PPIP5K1: variants seen among roughly 807,000 people sequenced by gnomAD.
PPIP5K1 encodes the protein inositol hexakisphosphate and diphosphoinositol-pentakisphosphate kinase 1.
A neutral mutation model predicts 27.7 loss-of-function variants in PPIP5K1; 6 were observed. That is an observed-to-expected ratio of 0.22 (90% CI 0.12 to 0.43). PPIP5K1 has a LOEUF of 0.43. Among genes scored for constraint, PPIP5K1 ranks in the 20% least tolerant of loss-of-function variants. The probability of loss-of-function intolerance (pLI) is 1.00; values close to 1 mark genes in which losing one functional copy is unlikely to be tolerated. For synonymous variants in PPIP5K1, 145 were observed against 242.6 expected (o/e 0.60, Z 3.74); for missense variants, 394 against 635.4 (o/e 0.62, Z 4.08).
intron 30 of PPIP5K1, among the ~76,000 whole-genome samples, chr15:43,554,236 C>T (rs893601254): frequency 1.3e-5 from 2 of 152,126 alleles, no homozygotes; most frequent in African/African-American, 2.4e-5. Context: ...TATTTTGGGG[C>T]TCCGTTATTT....
rs1237249758 is a variant in PPIP5K1 at position 43,534,926 on chromosome 15, GACCAGCTTGCCA to G, written c.4209_4220del (p.Gly1404_Val1407del). On this transcript the variant is annotated inframe_deletion, in exon 32 of 32. Transcript: ENST00000420765. ...TACCAACCCCTACATGGAACTTATG[GACCAGCTTGCCA>G]ACCTCCACAGAGACCCCCTGGCATG... 1 of 1,614,186 alleles carries G rather than the reference GACCAGCTTGCCA, an allele frequency of 6.2e-7. No individual in the cohort carries two copies. Among genetic ancestry groups the G allele is most frequent in the Non-Finnish European group, 8.5e-7 (1 of 1,180,038 alleles).
chr15:43,578,535 CAAAAAAA>C lies in PPIP5K1; in HGVS notation c.1164-386_1164-380del, dbSNP rs150737493. Among the ~76,000 whole-genome samples, 35 of 29,592 alleles carry C rather than the reference CAAAAAAA, an allele frequency of 1.2e-3. 1 individual carries two copies. Among genetic ancestry groups the C allele is most frequent in the East Asian group, 2.5e-3 (4 of 1,592 alleles). 19.4% of individuals were successfully genotyped at this position (29,592 alleles called of 152,430 possible). On this transcript the variant is annotated intron_variant, in intron 11 of 31. Transcript: ENST00000420765. ...TGGGAGACAGAGCCAGATCCTGTCG[CAAAAAAA>C]AAAAAAAAAAAAAAAAAGAAAGAAA...
In PPIP5K1 at chr15:43,553,647, T is replaced by TG. The variant is rs71111822; in HGVS notation, c.3556+5147_3556+5148insC. 1.1e-3 allele frequency among the ~76,000 whole-genome samples: 137 copies of TG among 127,146 alleles called. 1 individual carries two copies. The highest frequency in any genetic ancestry group is 2.8e-3 in the African/African-American group (100 of 35,480). 83.4% of individuals were successfully genotyped at this position (127,146 alleles called of 152,430 possible). A position where few individuals can be genotyped will look rare whatever the true frequency, so the allele number is the denominator to read the frequency against. On this transcript the variant is annotated intron_variant, in intron 30 of 31. Transcript: ENST00000420765. Reference sequence around the variant, plus strand: ...GATTTCCTTACTAATTTTCTGTGTGTTTTTTTTTTTTTTTTGAGACGGAGT... The same window carrying TG: ...GATTTCCTTACTAATTTTCTGTGTGTGTTTTTTTTTTTTTTTGAGACGGAGT...
At chr15:43,545,814 T>A (rs1479839935) in intron 30 of PPIP5K1, among the ~76,000 whole-genome samples, 1 of 152,164 alleles carries the variant, frequency 6.6e-6, no homozygotes, top group Admixed American at 6.6e-5. Flanking sequence ...AAGTTAGCCA[T>A]CTTAAATTGT....
chr15:43,538,673 G>A (rs1211847664), intron 31 of PPIP5K1, among the ~76,000 whole-genome samples: 5 of 152,004 alleles, frequency 3.3e-5, no homozygotes, highest in Non-Finnish European at 5.9e-5. Context: ...CACCACGCTC[G>A]GCTAATTTTT....
At chr15:43,543,251 A>G (rs1159386019) in intron 30 of PPIP5K1, among the ~76,000 whole-genome samples, 1 of 114,636 alleles carries the variant, frequency 8.7e-6, no homozygotes, top group Non-Finnish European at 1.7e-5. Context: ...AAAAAATTCT[A>G]AACAAACTGC....
chr15:43,557,750 G>C (rs915552849), intron 30 of PPIP5K1, among the ~76,000 whole-genome samples: 1 of 147,882 alleles, frequency 6.8e-6, no homozygotes, highest in South Asian at 2.2e-4. Flanking sequence ...CTGCAGCCTT[G>C]AACTCCTGGG....
chr15:43,534,811 C>A lies in PPIP5K1; in HGVS notation c.4336G>T (p.Glu1446Ter), dbSNP rs778058316. 1 of 1,608,448 alleles carries A rather than the reference C, an allele frequency of 6.2e-7. No individual in the cohort carries two copies. The highest frequency in any genetic ancestry group is 8.5e-7 in the Non-Finnish European group (1 of 1,176,922). The change falls in exon 32 of 32, where the codon GAG (glutamate) becomes TAG (stop). Residue 1446 changes from glutamate to a stop codon, truncating the protein, a stop_gained. Transcript: ENST00000420765. LOFTEE classifies it high-confidence loss of function. The part of the protein sequence containing the change: ...VIQPYQEFSV[E>*]VGRLAQETSA... ...GTCTCCTGGGCCAGCCTGCCAACCT[C>A]CACAGAGAACTCCTGGTATGGCTGG...
At chr15:43,546,068 C>T (rs1266161330) in intron 30 of PPIP5K1, among the ~76,000 whole-genome samples, 1 of 151,216 alleles carries the variant, frequency 6.6e-6, no homozygotes, top group African/African-American at 2.4e-5. Flanking sequence ...ACCCTGGAAA[C>T]CACCAATCTG....
At chr15:43,545,093 A>G (rs2081203982) in intron 30 of PPIP5K1, among the ~76,000 whole-genome samples, 1 of 151,804 alleles carries the variant, frequency 6.6e-6, no homozygotes, top group Non-Finnish European at 1.5e-5. Flanking sequence ...CAAGAGAATG[A>G]CGTGAACCCA....
chr15:43,550,507 TTTA>T (rs1259429120), intron 30 of PPIP5K1, among the ~76,000 whole-genome samples: 4 of 152,204 alleles, frequency 2.6e-5, no homozygotes, highest in African/African-American at 7.2e-5. Flanking sequence ...TAGCCGCTTT[TTTA>T]TTGTTGTTTT....
At chr15:43,557,629 T>C (rs1001314392) in intron 30 of PPIP5K1, among the ~76,000 whole-genome samples, 7 of 152,000 alleles carry the variant, frequency 4.6e-5, no homozygotes, top group African/African-American at 1.7e-4. Flanking sequence ...TGCTCTTCTT[T>C]TCAGGGTTTT....
At chr15:43,545,179 T>C (rs1364301183) in intron 30 of PPIP5K1, among the ~76,000 whole-genome samples, 1 of 106,490 alleles carries the variant, frequency 9.4e-6, no homozygotes, top group South Asian at 2.9e-4. Flanking sequence ...GTCCGTCTCA[T>C]AAAAAAAAAA....
intron 8 of PPIP5K1, 101 bp from the exon 9 acceptor site, chr15:43,581,489 CA>C (rs2141404250): frequency 2.6e-6 from 2 of 763,882 alleles, no homozygotes; most frequent in East Asian, 5.5e-5. Context: ...AGTAAAACAA[CA>C]ACAACAAAAA....
intron 30 of PPIP5K1, among the ~76,000 whole-genome samples, chr15:43,555,584 C>CCTTAAAATTTTTACT (rs1555432356): frequency 1.3e-5 from 2 of 151,708 alleles, no homozygotes; most frequent in East Asian, 1.9e-4. Flanking sequence ...CCATGCCTGG[C>CCTTAAAATTTTTACT]TGAATTTTTG....
rs569718402 is a variant in PPIP5K1, at chr15:43,556,212, C to T, written c.3556+2583G>A. On this transcript the variant is annotated intron_variant, in intron 30 of 31. Transcript: ENST00000420765. ...GTGCGCACCTGTAGTCCCAGCTATT[C>T]GGGAGGCTGAGGCAGAAGAATCACT... 1.9e-3 allele frequency among the ~76,000 whole-genome samples: 285 copies of T among 151,942 alleles called. 2 individuals carry two copies. Among genetic ancestry groups the T allele is most frequent in the African/African-American group, 6.3e-3 (261 of 41,446 alleles).
At chr15:43,556,362 G>A (rs1003659249) in intron 30 of PPIP5K1, among the ~76,000 whole-genome samples, 2 of 151,938 alleles carry the variant, frequency 1.3e-5, no homozygotes, top group African/African-American at 4.8e-5. Context: ...CTGGCCAGGT[G>A]TTGTGGCTCA....
At chr15:43,541,508 G>C (rs2080705832) in intron 30 of PPIP5K1, among the ~76,000 whole-genome samples, 1 of 152,136 alleles carries the variant, frequency 6.6e-6, no homozygotes. Flanking sequence ...CCTGAGGTCA[G>C]GAATTCAAGA....
intron 30 of PPIP5K1, among the ~76,000 whole-genome samples, chr15:43,549,100 A>C (rs1350423030): frequency 1.5e-5 from 2 of 136,962 alleles, no homozygotes; most frequent in Non-Finnish European, 3.1e-5. Context: ...TAATTTGTAG[A>C]GACAGGGCCT....
Sources: allele counts gnomAD v4.1 joint callset (sites outside exome capture counted in the v4.1 genomes callset), GRCh38; gene constraint gnomAD v4.1.1; transcripts MANE v1.5; gene names NCBI Gene and HGNC (gene_info 2026-07-23, HGNC 2026-07-21).